CCBE1: variants seen among roughly 807,000 people sequenced by gnomAD.
The protein encoded by CCBE1 is collagen and calcium-binding EGF domain-containing protein 1.
CCBE1 carries 37 observed loss-of-function variants against 50.0 expected under a neutral mutation model. The observed-to-expected ratio is 0.74, with a 90% CI of 0.57 to 0.97. The LOEUF is 0.97. CCBE1 is among the 50% of genes least tolerant of loss of function. CCBE1 has a pLI of 0.00. For synonymous variants in CCBE1, 234 were observed against 203.7 expected, an observed-to-expected ratio of 1.15 and a Z score of -1.27; for missense variants, 538 against 523.8, an observed-to-expected ratio of 1.03 and a Z score of -0.26.
chr18:59,543,710 C>T (rs1307127744), intron 2 of CCBE1, among the ~76,000 whole-genome samples: 1 of 152,002 alleles, frequency 6.6e-6, no homozygotes, highest in Admixed American at 6.6e-5. Context: ...TGGCGGGCGC[C>T]TGTAGTCCCA....
intron 2 of CCBE1, among the ~76,000 whole-genome samples, chr18:59,661,994 T>C (rs1028178879): frequency 6.6e-6 from 1 of 151,140 alleles, no homozygotes; most frequent in Admixed American, 6.6e-5. Flanking sequence ...GATTGATCCA[T>C]GTTGAAGTTA....
chr18:59,493,951 C>T, intron 2 of CCBE1, among the ~76,000 whole-genome samples: 1 of 152,132 alleles, frequency 6.6e-6, no homozygotes, highest in Admixed American at 6.5e-5. Context: ...CTCTCTTTGC[C>T]TGCCACCATC....
chr18:59,555,898 G>A (rs2052650224), intron 2 of CCBE1, among the ~76,000 whole-genome samples: 1 of 152,224 alleles, frequency 6.6e-6, no homozygotes, highest in Non-Finnish European at 1.5e-5. Flanking sequence ...TCTCACCTTG[G>A]CACTAAACCC....
chr18:59,619,236 G>C (rs997574428), intron 2 of CCBE1, among the ~76,000 whole-genome samples: 1 of 152,106 alleles, frequency 6.6e-6, no homozygotes, highest in African/African-American at 2.4e-5. Flanking sequence ...TAATTACTTG[G>C]ACTATCATGT....
intron 2 of CCBE1, among the ~76,000 whole-genome samples, chr18:59,687,224 T>A (rs1278390339): frequency 1.3e-5 from 2 of 152,180 alleles, no homozygotes; most frequent in Non-Finnish European, 2.9e-5. Context: ...CCCTCCAATC[T>A]TCGAGGAAAT....
At chr18:59,471,694 T>C (rs633895) in intron 3 of CCBE1, among the ~76,000 whole-genome samples, 73,618 of 151,686 alleles carry the variant, frequency 0.49, 18,629 homozygotes, top group East Asian at 0.77. Context: ...GACCACATTA[T>C]TCCTGTGTCA....
At chr18:59,482,323 A>C in intron 2 of CCBE1, among the ~76,000 whole-genome samples, 1 of 152,264 alleles carries the variant, frequency 6.6e-6, no homozygotes. Flanking sequence ...GTGGAGAAAT[A>C]GGAACATTTT....
chr18:59,685,159 G>T (rs1377955590), intron 2 of CCBE1, among the ~76,000 whole-genome samples: 3 of 151,978 alleles, frequency 2.0e-5, no homozygotes, highest in Non-Finnish European at 2.9e-5. Flanking sequence ...TGCACCAAAG[G>T]TCATTGAGTA....
chr18:59,519,367 A>T (rs576106751), intron 2 of CCBE1, among the ~76,000 whole-genome samples: 41 of 152,342 alleles, frequency 2.7e-4, no homozygotes, highest in African/African-American at 9.4e-4. Context: ...TTTAGGTACT[A>T]TGAGGTTGCA....
At chr18:59,483,939 A>G (rs1187841066) in intron 2 of CCBE1, among the ~76,000 whole-genome samples, 1 of 152,238 alleles carries the variant, frequency 6.6e-6, no homozygotes, top group Non-Finnish European at 1.5e-5. Context: ...ATTTACCAAT[A>G]TGAATGATGT....
intron 2 of CCBE1, among the ~76,000 whole-genome samples, chr18:59,566,162 A>G (rs2052823401): frequency 6.6e-6 from 1 of 152,220 alleles, no homozygotes; most frequent in Admixed American, 6.5e-5. Flanking sequence ...CAGGAAATCA[A>G]TCAGATGCAT....
At chr18:59,592,397 T>G (rs563770964) in intron 2 of CCBE1, among the ~76,000 whole-genome samples, 5 of 152,322 alleles carry the variant, frequency 3.3e-5, no homozygotes, top group African/African-American at 1.2e-4. Context: ...ACTTTTCTGG[T>G]TCTAAGCATT....
intron 2 of CCBE1, among the ~76,000 whole-genome samples, chr18:59,497,075 C>G (rs1362732408): frequency 6.6e-6 from 1 of 152,092 alleles, no homozygotes; most frequent in African/African-American, 2.4e-5. Context: ...ACGTAAAGTA[C>G]CTAGTATAGC....
intron 2 of CCBE1, among the ~76,000 whole-genome samples, chr18:59,648,503 G>A (rs1399163626): frequency 6.6e-6 from 1 of 152,146 alleles, no homozygotes; most frequent in Non-Finnish European, 1.5e-5. Context: ...GCAGGAGTTC[G>A]AGACCAGCCT....
At chr18:59,580,447 C>A (rs976109846) in intron 2 of CCBE1, among the ~76,000 whole-genome samples, 1 of 152,230 alleles carries the variant, frequency 6.6e-6, no homozygotes, top group East Asian at 1.9e-4. Flanking sequence ...ACCTGGAGCA[C>A]ATGTCGTCAG....
At position 59,533,326 on chromosome 18, in the gene CCBE1, T is replaced by C. The variant is rs115617673; in HGVS notation, c.213-53088A>G. Among the ~76,000 whole-genome samples the C allele has an allele frequency of 5.6e-3, 859 of 152,292 alleles. 8 individuals are homozygous for C. Among genetic ancestry groups the C allele is most frequent in the African/African-American group, 0.02 (817 of 41,574 alleles). On this transcript the variant is annotated intron_variant, in intron 2 of 10. Coordinates refer to ENST00000439986, the MANE Select transcript of CCBE1 (RefSeq NM_133459.4). Reference sequence around the variant, plus strand: ...ATGAATCTGCATTTGTCTTTTGAAATAGACGAAAATTGAAACTTAAGCCAA... The same window carrying C: ...ATGAATCTGCATTTGTCTTTTGAAACAGACGAAAATTGAAACTTAAGCCAA...
chr18:59,653,523 T>C (rs2054152230), intron 2 of CCBE1, among the ~76,000 whole-genome samples: 1 of 152,228 alleles, frequency 6.6e-6, no homozygotes. Context: ...TTTCACATTG[T>C]CTGCCAATTT....
chr18:59,675,332 T>A (rs1282757630), intron 2 of CCBE1, among the ~76,000 whole-genome samples: 1 of 152,174 alleles, frequency 6.6e-6, no homozygotes, highest in Non-Finnish European at 1.5e-5. Context: ...TCTATAATCA[T>A]CTATAATATT....
chr18:59,462,685 A>T (rs947235613), intron 5 of CCBE1, among the ~76,000 whole-genome samples: 4 of 96,170 alleles, frequency 4.2e-5, no homozygotes, highest in Non-Finnish European at 6.9e-5. Context: ...CACCTGACCT[A>T]ATTTTTTTTT....
Sources: allele counts gnomAD v4.1 joint callset (sites outside exome capture counted in the v4.1 genomes callset), GRCh38; gene constraint gnomAD v4.1.1; transcripts MANE v1.5; gene names NCBI Gene and HGNC (gene_info 2026-07-23, HGNC 2026-07-21).